The following PKD2 variants were observed in gnomAD, a reference collection of about 807,000 sequenced individuals.
PKD2 encodes polycystin 2, transient receptor potential cation channel.
PKD2 carries 48 observed loss-of-function variants against 105.9 expected under a neutral mutation model. The ratio of observed to expected loss-of-function variants is 0.45; its 90% CI spans 0.36 to 0.58. The LOEUF is 0.58. PKD2 is among the 20% of genes least tolerant of loss of function. The pLI is 0.00. For synonymous variants in PKD2, 464 were observed against 481.1 expected, an observed-to-expected ratio of 0.96 and a Z score of 0.46; for missense variants, 1,078 against 1,255.3, an observed-to-expected ratio of 0.86 and a Z score of 2.13.
intron 2 of PKD2, 71 bp from the exon 3 acceptor site, chr4:88,036,149 G>A: frequency 1.2e-6 from 2 of 1,613,036 alleles, no homozygotes; most frequent in Non-Finnish European, 1.7e-6. Context: ...CAATCCCTTT[G>A]TGAAGGCTGC....
chr4:88,013,566 G>A (rs1369702799), intron 1 of PKD2, among the ~76,000 whole-genome samples: 1 of 152,158 alleles, frequency 6.6e-6, no homozygotes, highest in African/African-American at 2.4e-5. Flanking sequence ...GCCAGGCAGG[G>A]TGGCACATGC....
intron 2 of PKD2, among the ~76,000 whole-genome samples, chr4:88,027,811 G>GT (rs1237676715): frequency 1.2e-5 from 1 of 86,350 alleles, no homozygotes; most frequent in African/African-American, 4.8e-5. Flanking sequence ...ATGAGATCTG[G>GT]TTTTTTGGTA....
intron 5 of PKD2, among the ~76,000 whole-genome samples, chr4:88,044,769 G>C (rs1364127072): frequency 3.3e-5 from 5 of 152,162 alleles, no homozygotes; most frequent in African/African-American, 1.2e-4. Context: ...ATGAAGTCGG[G>C]TGTGGAATTT....
intron 3 of PKD2, 64 bp from the exon 4 acceptor site, chr4:88,038,187 G>T: frequency 6.4e-7 from 1 of 1,564,500 alleles, no homozygotes; most frequent in Non-Finnish European, 8.8e-7. Flanking sequence ...TGCAAACGAT[G>T]CAGGCAGGGG....
At position 88,008,020 on chromosome 4, in the gene PKD2, C is replaced by A; in HGVS notation, c.287C>A (p.Ala96Asp). 1 of 1,521,414 alleles carries A rather than the reference C, an allele frequency of 6.6e-7. No individual in the cohort carries two copies. The allele number at this position is 1,521,414 out of a possible 1,614,324, so 94.2% of individuals were successfully genotyped here. Residue 96 changes from alanine to aspartate, a missense_variant, in exon 1 of 15, where the codon GCC (alanine) becomes GAC (aspartate). Around this residue, in one of 2 missense-constraint regions of PKD2, gnomAD observed 210 missense variants for 187.9 expected, o/e 1.12. Transcript: ENST00000237596. ...AWSRDNPGFE[A>D]EEEEEEVEGE... ...AGCCGCGATAACCCCGGCTTCGAGG[C>A]CGAGGAGGAGGAGGAGGAGGTGGAA...
rs1726671085 is a variant in PKD2, at chr4:88,019,402, C to T, written c.596-56C>T. The T allele has an allele frequency of 2.9e-5, 26 of 893,532 alleles. 1 individual carries two copies. The South Asian group carries it at 3.6e-4, about 13-fold the overall frequency. The allele number at this position is 893,532 out of a possible 1,614,324, so 55.4% of individuals were successfully genotyped here. On this transcript the variant is annotated intron_variant, in intron 1 of 14. Coordinates refer to ENST00000237596, the MANE Select transcript of PKD2 (RefSeq NM_000297.4). ...GTGCTTTATTTTCCCTTTTGCCATT[C>T]ATGAGATTTCTTAAATAAAATGATA...
chr4:88,033,520 G>A (rs1381573621), intron 2 of PKD2, among the ~76,000 whole-genome samples: 1 of 152,054 alleles, frequency 6.6e-6, no homozygotes, highest in African/African-American at 2.4e-5. Flanking sequence ...CATAACCAAG[G>A]GAATCTGTTG....
chr4:88,041,270 C>G (rs1040447549), intron 4 of PKD2, among the ~76,000 whole-genome samples: 1 of 152,124 alleles, frequency 6.6e-6, no homozygotes, highest in Admixed American at 6.5e-5. Flanking sequence ...ACTGTGGTTA[C>G]GACACTCTCT....
Position 88,065,753 on chromosome 4 carries a change from T to G in PKD2, c.2241-9T>G. 6.3e-7 allele frequency: 1 copy of G among 1,575,236 alleles called. No homozygotes were observed. The highest frequency in any genetic ancestry group is 1.3e-5 in the African/African-American group (1 of 74,282). Reference sequence around the variant, plus strand: ...ATGATTTTTATCTGTATCCTCTCTCTAATTTCAGGAAGGGCCATACTGATG... The same window carrying G: ...ATGATTTTTATCTGTATCCTCTCTCGAATTTCAGGAAGGGCCATACTGATG... On this transcript the variant is annotated splice_polypyrimidine_tract_variant and intron_variant, in intron 11 of 14. Coordinates refer to ENST00000237596, the MANE Select transcript of PKD2 (RefSeq NM_000297.4).
intron 1 of PKD2, among the ~76,000 whole-genome samples, 198 bp downstream of exon 1, chr4:88,008,526 G>T (rs1245332889): frequency 6.6e-6 from 1 of 152,146 alleles, no homozygotes; most frequent in Non-Finnish European, 1.5e-5. Flanking sequence ...CTGCTCTTTT[G>T]TTGGTGCATA....
Position 88,075,559 on chromosome 4 carries a change from G to A in PKD2, c.2772G>A (p.Gln924=), listed in dbSNP as rs777110738. 2 of 1,614,034 alleles carry A rather than the reference G, an allele frequency of 1.2e-6. No individual in the cohort carries two copies. The highest frequency in any genetic ancestry group is 1.1e-5 in the South Asian group (1 of 91,084). ...GGGAATCCGATGATGCAGCTTCCCA[G>A]ATCAGTCATGGTTTAGGCACGCCAG... ...ERWESDDAAS[Q]ISHGLGTPVG... The change falls in exon 15 of 15, where the codon CAG becomes CAA. Residue 924 remains glutamine (Q), a synonymous_variant. Coordinates refer to ENST00000237596, the MANE Select transcript of PKD2 (RefSeq NM_000297.4).
intron 3 of PKD2, chr4:88,036,566 T>A (rs1464176380): frequency 4.8e-6 from 1 of 210,108 alleles, no homozygotes; most frequent in Non-Finnish European, 8.3e-6. Flanking sequence ...CTGTGCTGAG[T>A]GTTTCATATC....
In PKD2 at chr4:88,059,571, G is replaced by A. The variant is rs528269108; in HGVS notation, c.2019+1468G>A. ...TTTGAATGTGGTCCTTTAGTAGGCA[G>A]CCATCTTACCAGATCTAGAGTATTC... On this transcript the variant is annotated intron_variant, in intron 9 of 14. Coordinates refer to ENST00000237596, the MANE Select transcript of PKD2 (RefSeq NM_000297.4). Among the ~76,000 whole-genome samples the A allele has an allele frequency of 1.7e-4, 26 of 152,200 alleles. No homozygotes were observed. The South Asian group carries it at 5.2e-3, about 30-fold the overall frequency.
At position 88,076,717 on chromosome 4, in the gene PKD2, G is replaced by A. The variant is rs1459064468; in HGVS notation, c.*1023G>A. On this transcript the variant is annotated 3_prime_UTR_variant, in exon 15 of 15. Transcript: ENST00000237596. ...AATATAGTACTCGGTCAGGTATGAC[G>A]GCTCACGCCTGTAATCCCAGCACTT... The A allele has an allele frequency of 3.9e-5, 6 of 152,098 alleles. No individual in the cohort carries two copies. The highest frequency in any genetic ancestry group is 7.2e-5 in the African/African-American group (3 of 41,426). 9.4% of individuals were successfully genotyped at this position (152,098 alleles called of 1,614,324 possible).
chr4:88,036,301 A>C lies in PKD2; in HGVS notation c.791A>C (p.Lys264Thr). 2 of 1,614,110 alleles carry C rather than the reference A, an allele frequency of 1.2e-6. No homozygotes were observed. Among genetic ancestry groups the C allele is most frequent in the Non-Finnish European group, 8.5e-7 (1 of 1,179,958 alleles). The change falls in exon 3 of 15, where the codon AAA becomes ACA. Residue 264 changes from lysine (K) to threonine (T), a missense_variant. Physicochemically the swap from Lys to Thr is moderately conservative, Grantham distance 78 (BLOSUM62 -1). Around this residue, in one of 2 missense-constraint regions of PKD2, gnomAD observed 868 missense variants for 1,067.3 expected, o/e 0.81. Transcript: ENST00000237596. ...SQLFLDTPVS[K>T]TEKTNFKTLS... ...CTCTTCCTAGACACCCCCGTGTCCA[A>C]AACGGAGAAAACTAACTTTAAAACT...
At chr4:88,039,672 A>T (rs1414082134) in intron 4 of PKD2, among the ~76,000 whole-genome samples, 6 of 152,040 alleles carry the variant, frequency 3.9e-5, no homozygotes, top group Non-Finnish European at 8.8e-5. Context: ...CTCAAAAAAA[A>T]AAAAAAACAA....
At chr4:88,026,059 G>C (rs926415162) in intron 2 of PKD2, among the ~76,000 whole-genome samples, 3 of 152,178 alleles carry the variant, frequency 2.0e-5, no homozygotes, top group African/African-American at 7.2e-5. Flanking sequence ...ACCAGGAGTG[G>C]GGTACTGCTA....
chr4:88,048,593 C>T (rs111877940), intron 6 of PKD2, among the ~76,000 whole-genome samples: 269 of 152,274 alleles, frequency 1.8e-3, no homozygotes, highest in African/African-American at 4.4e-3. Flanking sequence ...TAACCCTCTT[C>T]ACTACTCTGC....
At position 88,023,022 on chromosome 4, in the gene PKD2, A is replaced by G. The variant is rs778022092; in HGVS notation, c.709+3451A>G. ...TTTGAAGCTGGGAGTCAGTGATTGC[A>G]GTGAGCCATGATTGCAACACTGCAC... On this transcript the variant is annotated intron_variant, in intron 2 of 14. Transcript: ENST00000237596. Among the ~76,000 whole-genome samples, 33 of 152,184 alleles carry G rather than the reference A, an allele frequency of 2.2e-4. 1 individual carries two copies. Among genetic ancestry groups the G allele is most frequent in the Admixed American group, 1.2e-3 (18 of 15,282 alleles).
Sources: gnomAD v4.1 joint callset for allele counts (sites outside exome capture counted in the v4.1 genomes callset) on GRCh38, gnomAD v4.1.1 for gene constraint, gnomAD v4.1.1 regional missense constraint, MANE v1.5 for transcripts, NCBI Gene and HGNC (gene_info 2026-07-23, HGNC 2026-07-21) for gene names.